Variants in CELF2 observed in about 807,000 individuals in gnomAD.
CELF2 encodes CUG triplet repeat RNA-binding protein 2.
A neutral mutation model predicts 62.6 loss-of-function variants in CELF2; 8 were observed. The ratio of observed to expected loss-of-function variants is 0.13; its 90% CI spans 0.07 to 0.23. CELF2 has a LOEUF of 0.23. CELF2 is among the 10% of genes least tolerant of loss of function. CELF2 has a pLI of 1.00. For missense variants in CELF2, 333 were observed against 671.0 expected, an observed-to-expected ratio of 0.50 and a Z score of 5.56; for synonymous variants, 258 against 250.0, an observed-to-expected ratio of 1.03 and a Z score of -0.30.
the CELF2 span, among the ~76,000 whole-genome samples, chr10:10,747,389 A>T: frequency 6.6e-6 from 1 of 152,214 alleles, no homozygotes; most frequent in Non-Finnish European, 1.5e-5. Flanking sequence ...AGAGACAAAT[A>T]ATAAGCCAGT....
chr10:10,540,731 AATTAAAAC>A, the CELF2 span, among the ~76,000 whole-genome samples: 13 of 152,136 alleles, frequency 8.5e-5, no homozygotes, highest in Non-Finnish European at 1.5e-4. Flanking sequence ...TTCTACCAAT[AATTAAAAC>A]ATATAAGGCT....
At chr10:10,637,684 G>T in the CELF2 span, among the ~76,000 whole-genome samples, 1 of 152,162 alleles carries the variant, frequency 6.6e-6, no homozygotes, top group South Asian at 2.1e-4. Context: ...ACGGTCACCT[G>T]AAAAATTCTG....
rs372111308 is a variant in CELF2, at chr10:11,037,399, A to G, written c.74+19236A>G. On this transcript the variant is annotated intron_variant, in intron 1 of 12. Transcript: ENST00000633077. ...ATTTGTGTGAGGACACAGCCAAACC[A>G]TATCGACCACTGTATCTCAGCTGAT... 1.2e-4 allele frequency among the ~76,000 whole-genome samples: 19 copies of G among 152,350 alleles called. No homozygotes were observed. The East Asian group carries it at 3.7e-3, about 29-fold the overall frequency.
Position 11,334,820 on chromosome 10 carries a change from GAAGT to G in CELF2, c.*5768_*5771del, listed in dbSNP as rs1292130511. ...CTTAGACACTAATCACTTTCTAAAA[GAAGT>G]GAGTTCTCCAGGGAAGAAAAATCAA... On this transcript the variant is annotated 3_prime_UTR_variant, in exon 13 of 13. Transcript: ENST00000633077. 6.6e-6 allele frequency: 1 copy of G among 152,186 alleles called. No individual in the cohort carries two copies. Among genetic ancestry groups the G allele is most frequent in the Non-Finnish European group, 1.5e-5 (1 of 68,032 alleles). The allele number at this position is 152,186 out of a possible 1,614,324, so 9.4% of individuals were successfully genotyped here.
chr10:10,750,971 C>G, the CELF2 span, among the ~76,000 whole-genome samples: 2 of 152,188 alleles, frequency 1.3e-5, no homozygotes, highest in East Asian at 3.8e-4. Flanking sequence ...AAAGATGATA[C>G]AAAGACCTAC....
the CELF2 span, among the ~76,000 whole-genome samples, chr10:10,775,626 AT>A: frequency 0.15 from 20,188 of 135,434 alleles, 1,690 homozygotes; most frequent in East Asian, 0.31. Context: ...AAAAAAAAAA[AT>A]ATATATATAG....
chr10:11,228,207 A>AGT (rs1380102461), intron 3 of CELF2, among the ~76,000 whole-genome samples: 1 of 152,252 alleles, frequency 6.6e-6, no homozygotes, highest in Admixed American at 6.5e-5. Context: ...TCAGAATTCA[A>AGT]GTAATTTTAA....
chr10:11,060,694 C>T (rs572215239), intron 1 of CELF2, among the ~76,000 whole-genome samples: 8 of 152,222 alleles, frequency 5.3e-5, no homozygotes, highest in Admixed American at 1.3e-4. Flanking sequence ...CTGAAATTGT[C>T]GGTGCCATTT....
At chr10:10,850,562 G>A (rs996500073) in intron 1 of CELF2, among the ~76,000 whole-genome samples, 2 of 152,158 alleles carry the variant, frequency 1.3e-5, no homozygotes, top group Non-Finnish European at 2.9e-5. Context: ...CTCATAATAC[G>A]AGAAATTATC....
intron 1 of CELF2, among the ~76,000 whole-genome samples, chr10:11,158,183 A>G (rs1295392957): frequency 6.6e-6 from 1 of 152,222 alleles, no homozygotes; most frequent in East Asian, 1.9e-4. Context: ...CCCATAGCCA[A>G]CAGGTGGCTT....
chr10:10,974,171 T>C (rs2051077136), intron 2 of CELF2, among the ~76,000 whole-genome samples: 1 of 152,218 alleles, frequency 6.6e-6, no homozygotes. Context: ...CTGAATGAGA[T>C]AATTTATGAT....
chr10:11,330,092 T>C lies in CELF2; in HGVS notation c.*1039T>C, dbSNP rs1009601689. The C allele has an allele frequency of 2.0e-5, 3 of 152,670 alleles. No individual in the cohort carries two copies. Among genetic ancestry groups the C allele is most frequent in the Admixed American group, 2.0e-4 (3 of 15,290 alleles). 9.5% of individuals were successfully genotyped at this position (152,670 alleles called of 1,614,324 possible). Reference sequence around the variant, plus strand: ...CGTTGAACCCTAGACCTGAAGTTCATGCTTTATCCTCTCGTTGTTTGTATC... The same window carrying C: ...CGTTGAACCCTAGACCTGAAGTTCACGCTTTATCCTCTCGTTGTTTGTATC... On this transcript the variant is annotated 3_prime_UTR_variant, in exon 13 of 13. Transcript: ENST00000633077. This position sits in a 1 kb window ranked among gnomAD's most constrained non-coding sequence, Gnocchi z 4.5.
intron 1 of CELF2, among the ~76,000 whole-genome samples, chr10:11,066,779 T>G (rs2140792708): frequency 1.3e-5 from 2 of 152,238 alleles, no homozygotes; most frequent in South Asian, 4.2e-4. Context: ...AATTACCATT[T>G]CCCAATTACA....
Position 11,329,705 on chromosome 10 carries a change from G to GTTTTATTTTAGTTTTTAGAAAGGAT in CELF2, c.*654_*678dup, listed in dbSNP as rs1163525747. The GTTTTATTTTAGTTTTTAGAAAGGAT allele has an allele frequency of 1.3e-5, 2 of 152,342 alleles. No individual in the cohort carries two copies. Among genetic ancestry groups the GTTTTATTTTAGTTTTTAGAAAGGAT allele is most frequent in the Non-Finnish European group, 2.9e-5 (2 of 67,984 alleles). 9.4% of individuals were successfully genotyped at this position (152,342 alleles called of 1,614,324 possible). On this transcript the variant is annotated 3_prime_UTR_variant, in exon 13 of 13. Coordinates refer to ENST00000633077, the MANE Select transcript of CELF2 (RefSeq NM_001326342.2). The surrounding 1 kb of genome is among the most constrained non-coding windows in gnomAD (Gnocchi z 5.5). ...TACACTGGTTGTCTATTTTGTTATT[G>GTTTTATTTTAGTTTTTAGAAAGGAT]TTTTATTTTAGTTTTTAGAAAGGAT...
intron 2 of CELF2, chr10:10,935,360 A>G (rs2066512758): frequency 6.6e-6 from 1 of 152,224 alleles, no homozygotes; most frequent in African/African-American, 2.4e-5. Context: ...CATTGTAGCT[A>G]TTCATTTTGT....
rs1369551872 is a variant in CELF2, at chr10:11,058,473, T to G, written c.74+40310T>G. 1.9e-3 allele frequency among the ~76,000 whole-genome samples: 279 copies of G among 147,096 alleles called. 1 individual carries two copies. Among genetic ancestry groups the G allele is most frequent in the African/African-American group, 6.4e-3 (255 of 40,120 alleles). ...GTTTTTTTTGTTGGTTTTTTTTTTT[T>G]TTTTTTTTTTTGTGATGGAGTCTTG... On this transcript the variant is annotated intron_variant, in intron 1 of 12. Coordinates refer to ENST00000633077, the MANE Select transcript of CELF2 (RefSeq NM_001326342.2).
chr10:10,715,189 T>C, the CELF2 span, among the ~76,000 whole-genome samples: 3 of 152,074 alleles, frequency 2.0e-5, no homozygotes, highest in Admixed American at 2.0e-4. Context: ...CACAAAACCG[T>C]GATATAAAAT....
intron 2 of CELF2, among the ~76,000 whole-genome samples, chr10:11,216,056 T>C (rs922508081): frequency 6.6e-6 from 1 of 152,250 alleles, no homozygotes; most frequent in African/African-American, 2.4e-5. Context: ...AGAAATGTTA[T>C]AATGTTCAGT....
chr10:11,049,028 A>G (rs1221201433), intron 1 of CELF2, among the ~76,000 whole-genome samples: 1 of 151,900 alleles, frequency 6.6e-6, no homozygotes, highest in East Asian at 1.9e-4. Flanking sequence ...ATTGAGTGGG[A>G]TCTTGGGTGT....
Sources: allele counts gnomAD v4.1 joint callset (sites outside exome capture counted in the v4.1 genomes callset), GRCh38; gene constraint gnomAD v4.1.1; non-coding constraint Gnocchi (gnomAD v3.1); transcripts MANE v1.5; gene names NCBI Gene and HGNC (gene_info 2026-07-23, HGNC 2026-07-21).